SPMIP9: variants seen among roughly 807,000 people sequenced by gnomAD.
SPMIP9 encodes sperm microtubule inner protein 9.
chr2:88,528,134 T>G, the SPMIP9 span, among the ~76,000 whole-genome samples: 1 of 150,030 alleles, frequency 6.7e-6, no homozygotes, highest in Non-Finnish European at 1.5e-5. Context: ...TCTAAGCATT[T>G]TCCCTTTTTT....
At chr2:88,526,191 G>T in the SPMIP9 span, among the ~76,000 whole-genome samples, 1 of 152,188 alleles carries the variant, frequency 6.6e-6, no homozygotes, top group Non-Finnish European at 1.5e-5. Flanking sequence ...AAGAGCACAT[G>T]CCAGGCCCAT....
the SPMIP9 span, chr2:88,525,748 C>G: frequency 1.4e-6 from 2 of 1,468,824 alleles, no homozygotes; most frequent in South Asian, 1.1e-5. Flanking sequence ...AAGGGCCAGG[C>G]TCTTTCTAGA....
chr2:88,525,162 C>T, the SPMIP9 span, among the ~76,000 whole-genome samples: 1 of 152,152 alleles, frequency 6.6e-6, no homozygotes, highest in Non-Finnish European at 1.5e-5. Flanking sequence ...GGAGCCAGTT[C>T]ATACTGGCTC....
the SPMIP9 span, among the ~76,000 whole-genome samples, chr2:88,527,840 C>T: frequency 6.6e-6 from 1 of 152,170 alleles, no homozygotes; most frequent in East Asian, 1.9e-4. Flanking sequence ...AAAGCAGTTG[C>T]ACCAATTTAC....
the SPMIP9 span, chr2:88,526,547 C>T: frequency 1.0e-3 from 1,431 of 1,373,238 alleles, 2 homozygotes; most frequent in Non-Finnish European, 1.4e-3. Context: ...TACTGAAATC[C>T]TCTCTGTTGC....
chr2:88,526,340 T>C, the SPMIP9 span: 114 of 1,304,310 alleles, frequency 8.7e-5, no homozygotes, highest in Non-Finnish European at 1.2e-4. Flanking sequence ...CAAGAAGCCA[T>C]TGAATGGCTT....
At chr2:88,526,305 A>G in the SPMIP9 span, 3 of 899,366 alleles carry the variant, frequency 3.3e-6, no homozygotes, top group East Asian at 7.3e-5. Context: ...TCAGGCCCCA[A>G]AGTCGGCCTT....
At chr2:88,527,079 C>T in the SPMIP9 span, among the ~76,000 whole-genome samples, 3 of 152,152 alleles carry the variant, frequency 2.0e-5, no homozygotes, top group Admixed American at 2.0e-4. Flanking sequence ...CCATTACAGA[C>T]CGCTTAAAAC....
the SPMIP9 span, chr2:88,529,122 TA>T: frequency 6.2e-7 from 1 of 1,614,014 alleles, no homozygotes; most frequent in East Asian, 2.2e-5. Context: ...AACCCCAAGC[TA>T]ACAGATGGGT....
At chr2:88,529,000 A>C in the SPMIP9 span, 1 of 1,550,654 alleles carries the variant, frequency 6.4e-7, no homozygotes, top group South Asian at 1.2e-5. Flanking sequence ...GAAAAGCTAC[A>C]TCATCTCTTG....
At chr2:88,526,495 G>C in the SPMIP9 span, 3 of 1,613,472 alleles carry the variant, frequency 1.9e-6, no homozygotes, top group Non-Finnish European at 2.5e-6. Context: ...CACGCCGCAA[G>C]AGGTAGGAAG....
the SPMIP9 span, among the ~76,000 whole-genome samples, chr2:88,527,611 A>T: frequency 6.6e-6 from 1 of 152,160 alleles, no homozygotes; most frequent in Non-Finnish European, 1.5e-5. Flanking sequence ...TTTCTGCTGC[A>T]TAGTATTACA....
At chr2:88,528,280 G>A in the SPMIP9 span, among the ~76,000 whole-genome samples, 2 of 151,918 alleles carry the variant, frequency 1.3e-5, no homozygotes, top group Non-Finnish European at 2.9e-5. Context: ...TGGGATTACA[G>A]GCATGCACCA....
chr2:88,526,666 ATT>A, the SPMIP9 span, among the ~76,000 whole-genome samples: 1 of 149,508 alleles, frequency 6.7e-6, no homozygotes, highest in Non-Finnish European at 1.5e-5. Flanking sequence ...ATGTGTGTGT[ATT>A]TTTTTTTTCT....
At chr2:88,525,796 G>A in the SPMIP9 span, 1 of 942,092 alleles carries the variant, frequency 1.1e-6, no homozygotes. Context: ...GGGTTTTGTG[G>A]GTTTTTTTTT....
At chr2:88,528,115 A>G in the SPMIP9 span, among the ~76,000 whole-genome samples, 2 of 150,862 alleles carry the variant, frequency 1.3e-5, no homozygotes, top group Non-Finnish European at 2.9e-5. Flanking sequence ...TAGACGTTCT[A>G]AAAAATATTC....
At chr2:88,529,195 A>G in the SPMIP9 span, 207 of 1,614,024 alleles carry the variant, frequency 1.3e-4, no homozygotes, top group Non-Finnish European at 1.7e-4. Context: ...GCTTCTTCCC[A>G]TCACAGGAAC....
the SPMIP9 span, among the ~76,000 whole-genome samples, chr2:88,528,138 C>CTT: frequency 1.3e-4 from 17 of 135,516 alleles, no homozygotes; most frequent in South Asian, 4.8e-4. Flanking sequence ...AGCATTTTCC[C>CTT]TTTTTTTTTT....
At chr2:88,526,450 T>C in the SPMIP9 span, 1 of 1,614,130 alleles carries the variant, frequency 6.2e-7, no homozygotes, top group Non-Finnish European at 8.5e-7. Context: ...CATGGTCGAC[T>C]ATCAGCCCTA....
Sources: gnomAD v4.1 joint callset for allele counts (sites outside exome capture counted in the v4.1 genomes callset) on GRCh38, gnomAD v4.1.1 for gene constraint, MANE v1.5 for transcripts, NCBI Gene and HGNC (gene_info 2026-07-23, HGNC 2026-07-21) for gene names.